Variants in ARHGAP40 observed in about 807,000 individuals in gnomAD.
ARHGAP40 encodes the protein rho GTPase-activating protein 40.
Under a neutral mutation model 73.5 loss-of-function variants are expected in ARHGAP40, and 43 were observed. The ratio of observed to expected loss-of-function variants is 0.58; its 90% CI spans 0.46 to 0.75. ARHGAP40 has a LOEUF of 0.75. Among genes scored for constraint, ARHGAP40 ranks in the 30% least tolerant of loss-of-function variants. The probability of loss-of-function intolerance (pLI) is 0.00; values close to 1 mark genes in which losing one functional copy is unlikely to be tolerated. For synonymous variants in ARHGAP40, 300 were observed against 352.8 expected (o/e 0.85, Z 1.68); for missense variants, 734 against 861.8 (o/e 0.85, Z 1.86).
At chr20:38,629,760 A>AATTC in intron 5 of ARHGAP40, 110 bp downstream of exon 5, 1 of 1,136,248 alleles carries the variant, frequency 8.8e-7, no homozygotes, top group South Asian at 1.6e-5. Context: ...AAAAGTTGTT[A>AATTC]ATTCATTCAT....
chr20:38,642,335 G>T (rs2089024162), intron 10 of ARHGAP40, among the ~76,000 whole-genome samples: 1 of 152,200 alleles, frequency 6.6e-6, no homozygotes, highest in Non-Finnish European at 1.5e-5. Context: ...CCTTGGCCCA[G>T]CTCCCTGTAC....
chr20:38,634,055 C>T lies in ARHGAP40; in HGVS notation c.784-565C>T, dbSNP rs148791708. The stretch of plus-strand genomic sequence containing the variant: ...CTATATCCATTAGGTCATTTGCTCC[C>T]GCTAAAATTTTATGAGGTCGTTGCC... On this transcript the variant is annotated intron_variant, in intron 5 of 14. Transcript: ENST00000373345. 2.8e-4 allele frequency among the ~76,000 whole-genome samples: 42 copies of T among 152,218 alleles called. No individual in the cohort carries two copies. The East Asian group carries it at 7.5e-3, about 27-fold the overall frequency.
At chr20:38,627,083 C>G (rs1385495523) in exon 3 of ARHGAP40, 9 of 1,305,302 alleles carry the variant, frequency 6.9e-6, no homozygotes, top group African/African-American at 1.5e-5. Flanking sequence ...ACCAGGAGCT[C>G]CTGTCCACCC....
At chr20:38,635,100 T>C (rs1198761504) in intron 6 of ARHGAP40, among the ~76,000 whole-genome samples, 1 of 152,096 alleles carries the variant, frequency 6.6e-6, no homozygotes, top group Non-Finnish European at 1.5e-5. Flanking sequence ...CAGGATGGTC[T>C]TGGTCTCTTG....
intron 11 of ARHGAP40, among the ~76,000 whole-genome samples, chr20:38,644,223 C>T (rs1485440588): frequency 6.6e-6 from 1 of 152,100 alleles, no homozygotes; most frequent in Admixed American, 6.5e-5. Flanking sequence ...TGAGAAAGCC[C>T]CATCCCTGAG....
intron 5 of ARHGAP40, among the ~76,000 whole-genome samples, chr20:38,634,000 C>T (rs991916188): frequency 2.6e-5 from 4 of 152,128 alleles, no homozygotes; most frequent in Admixed American, 1.3e-4. Flanking sequence ...CTTGGGGCTT[C>T]GCTATGTGCT....
intron 1 of ARHGAP40, among the ~76,000 whole-genome samples, chr20:38,602,964 C>G (rs2088744340): frequency 6.6e-6 from 1 of 152,222 alleles, no homozygotes; most frequent in Admixed American, 6.5e-5. Flanking sequence ...AGCAATACAG[C>G]AATGAACATC....
chr20:38,647,257 TG>T, intron 13 of ARHGAP40, 131 bp downstream of exon 13: 2 of 691,798 alleles, frequency 2.9e-6, no homozygotes, highest in Non-Finnish European at 4.1e-6. Context: ...GGTGGTCAGA[TG>T]GGTTCTCCAA....
chr20:38,646,824 G>A lies in ARHGAP40; in HGVS notation c.1711-133G>A, dbSNP rs2089056561. On this transcript the variant is annotated intron_variant, in intron 12 of 14. Coordinates refer to ENST00000373345, the Ensembl canonical transcript of ARHGAP40. This position sits in a 1 kb window ranked among gnomAD's most constrained non-coding sequence, Gnocchi z 4.5. ...ATCTGTGCCCAAGTGTCCGGTATGC[G>A]TGTGTGTGTATCTTGTGATTTTCAG... 17 of 732,278 alleles carry A rather than the reference G, an allele frequency of 2.3e-5. No homozygotes were observed. Among genetic ancestry groups the A allele is most frequent in the South Asian group, 3.5e-5 (2 of 57,262 alleles). The allele number at this position is 732,278 out of a possible 1,614,324, so 45.4% of individuals were successfully genotyped here.
At chr20:38,614,807 C>A in intron 1 of ARHGAP40, 1 of 696,150 alleles carries the variant, frequency 1.4e-6, no homozygotes, top group Non-Finnish European at 2.6e-6. Flanking sequence ...CACCATCGCA[C>A]GTTTTTCATG....
intron 13 of ARHGAP40, among the ~76,000 whole-genome samples, 164 bp downstream of exon 13, chr20:38,647,290 C>T (rs59309763): frequency 0.019 from 2,939 of 152,234 alleles, 96 homozygotes; most frequent in African/African-American, 0.066. Flanking sequence ...TTCTTGGCTC[C>T]AAGTAATAAT....
intron 8 of ARHGAP40, 90 bp downstream of exon 8, chr20:38,638,928 C>T (rs1047415555): frequency 1.1e-5 from 13 of 1,138,742 alleles, no homozygotes; most frequent in Middle Eastern, 3.2e-4. Flanking sequence ...GTCCCTGACT[C>T]GCCAGTGATC....
chr20:38,614,345 C>CCTTTATTT (rs2088821947), intron 1 of ARHGAP40, among the ~76,000 whole-genome samples: 1 of 152,034 alleles, frequency 6.6e-6, no homozygotes, highest in African/African-American at 2.4e-5. Context: ...CCTGAGATTG[C>CCTTTATTT]CTTTCTTTCT....
At chr20:38,637,643 G>A in intron 6 of ARHGAP40, 65 bp from the exon 7 acceptor site, 4 of 1,213,990 alleles carry the variant, frequency 3.3e-6, no homozygotes, top group Non-Finnish European at 3.3e-6. Flanking sequence ...AGGAGATCCT[G>A]TAGGTCGGAG....
At chr20:38,620,197 C>T (rs1385026624) in intron 1 of ARHGAP40, among the ~76,000 whole-genome samples, 8 of 152,202 alleles carry the variant, frequency 5.3e-5, no homozygotes, top group East Asian at 1.9e-4. Flanking sequence ...TTTCTGCATG[C>T]GCTATACCTC....
At chr20:38,634,215 C>T (rs368373724) in intron 5 of ARHGAP40, among the ~76,000 whole-genome samples, 2 of 151,928 alleles carry the variant, frequency 1.3e-5, no homozygotes, top group East Asian at 1.9e-4. Context: ...AGCCAGGTGT[C>T]GAGGTGCACA....
intron 11 of ARHGAP40, among the ~76,000 whole-genome samples, chr20:38,645,645 G>A (rs914248984): frequency 6.6e-6 from 1 of 152,208 alleles, no homozygotes; most frequent in East Asian, 1.9e-4. Flanking sequence ...GGTTGATCTG[G>A]AGGTCTCTGT....
intron 10 of ARHGAP40, 96 bp downstream of exon 10, chr20:38,641,904 C>A (rs1483081335): frequency 1.5e-5 from 14 of 959,384 alleles, no homozygotes; most frequent in South Asian, 1.7e-5. Context: ...ATTCATTCAA[C>A]AACTCTGCCA....
chr20:38,643,158 A>G (rs914685452), intron 10 of ARHGAP40, among the ~76,000 whole-genome samples: 1 of 150,828 alleles, frequency 6.6e-6, no homozygotes, highest in Admixed American at 6.6e-5. Flanking sequence ...AAAAAAAAAA[A>G]CAAAAAACAA....
Sources: allele counts gnomAD v4.1 joint callset (sites outside exome capture counted in the v4.1 genomes callset), GRCh38; gene constraint gnomAD v4.1.1; non-coding constraint Gnocchi (gnomAD v3.1); transcripts MANE v1.5; gene names NCBI Gene and HGNC (gene_info 2026-07-23, HGNC 2026-07-21).